Variants in IL12RB1 observed in about 807,000 individuals in gnomAD.
The protein encoded by IL12RB1 is interleukin-12 receptor subunit beta-1.
In IL12RB1, 64 loss-of-function variants were observed where a neutral mutation model predicts 94.4. That is an observed-to-expected ratio of 0.68 (90% CI 0.55 to 0.83). The LOEUF (loss-of-function observed/expected upper bound fraction) is 0.83. Among genes scored for constraint, IL12RB1 ranks in the 40% least tolerant of loss-of-function variants. The pLI, the probability that IL12RB1 is intolerant of heterozygous loss-of-function variation, is 0.00. For synonymous variants in IL12RB1, 362 were observed against 355.5 expected (o/e 1.02, Z -0.21); for missense variants, 814 against 855.6 (o/e 0.95, Z 0.61).
At position 18,086,890 on chromosome 19, in the gene IL12RB1, G is replaced by A. The variant is rs749596574; in HGVS notation, c.-67C>T. On this transcript the variant is annotated 5_prime_UTR_variant, in exon 1 of 17. In the 5' UTR this introduces an upstream ATG that the reference lacks. Transcript: ENST00000593993. ...GCCACCTGCGAGGTTCAGCCACCCCGTCCCCACTCCGGAACACATTGAAGC... is the reference window on the plus strand; with the variant it reads ...GCCACCTGCGAGGTTCAGCCACCCCATCCCCACTCCGGAACACATTGAAGC... 39 of 1,578,300 alleles carry A rather than the reference G, an allele frequency of 2.5e-5. No individual in the cohort carries two copies. The highest frequency in any genetic ancestry group is 8.0e-5 in the South Asian group (7 of 87,404).
chr19:18,076,168 C>G lies in IL12RB1; in HGVS notation c.580+129G>C, dbSNP rs143838833. 2.8e-5 allele frequency: 20 copies of G among 726,424 alleles called. No individual in the cohort carries two copies. The South Asian group carries it at 2.8e-4, about 10-fold the overall frequency. 45.0% of individuals were successfully genotyped at this position (726,424 alleles called of 1,614,324 possible). ...TCCCCACCTGCAATTTGGAAAGAAT[C>G]CAATACTGAACTATGGGGCAGGGTA... On this transcript the variant is annotated intron_variant, in intron 6 of 16. Coordinates refer to ENST00000593993, the MANE Select transcript of IL12RB1 (RefSeq NM_005535.3).
chr19:18,065,647 C>T (rs1047499288), intron 12 of IL12RB1, among the ~76,000 whole-genome samples: 6 of 152,156 alleles, frequency 3.9e-5, no homozygotes, highest in East Asian at 3.9e-4. Flanking sequence ...GGTGAAACTC[C>T]GTCTCTGCTA....
intron 13 of IL12RB1, 77 bp downstream of exon 13, chr19:18,063,799 G>T: frequency 7.3e-7 from 1 of 1,362,198 alleles, no homozygotes; most frequent in East Asian, 2.4e-5. Context: ...AGTGAGGGCA[G>T]GGCTGCTAAG....
Position 18,076,728 on chromosome 19 carries a change from A to G in IL12RB1, c.550-401T>C, listed in dbSNP as rs935332552. On this transcript the variant is annotated intron_variant, in intron 5 of 16. Coordinates refer to ENST00000593993, the MANE Select transcript of IL12RB1 (RefSeq NM_005535.3). ...GCTAAATTTTTTTAAATTAAAGACC[A>G]TACTTCCAGGGATTATTTCTATCGT... is the stretch of plus-strand genomic sequence containing the variant. Among the ~76,000 whole-genome samples, 9 of 152,064 alleles carry G rather than the reference A, an allele frequency of 5.9e-5. No homozygotes were observed. In the South Asian group the frequency reaches 6.2e-4, roughly 10 times the overall value.
At position 18,086,150 on chromosome 19, in the gene IL12RB1, G is replaced by A. The variant is rs149370367; in HGVS notation, c.64+610C>T. 7.6e-3 allele frequency among the ~76,000 whole-genome samples: 1,160 copies of A among 152,002 alleles called. 16 individuals carry two copies. Among genetic ancestry groups the A allele is most frequent in the African/African-American group, 0.026 (1,062 of 41,466 alleles). ...AGGCAGGAGGATCACTTGAGCCCAG[G>A]TGGTCAAGGCTGCAATGAGTTATGA... On this transcript the variant is annotated intron_variant, in intron 1 of 16. Coordinates refer to ENST00000593993, the MANE Select transcript of IL12RB1 (RefSeq NM_005535.3).
Position 18,073,511 on chromosome 19 carries a change from C to G in IL12RB1, c.783+6G>C, listed in dbSNP as rs370669239. 2.1e-5 allele frequency: 34 copies of G among 1,587,208 alleles called. No individual in the cohort carries two copies. The African/African-American group carries it at 3.8e-4, about 18-fold the overall frequency. ...CCACCCCACAGCCCTGTGACAGCCC[C>G]GTTACCTGCTCTTTCAGGGTCAGCC... On this transcript the variant is annotated splice_donor_region_variant and intron_variant, in intron 8 of 16. Coordinates refer to ENST00000593993, the MANE Select transcript of IL12RB1 (RefSeq NM_005535.3).
intron 9 of IL12RB1, among the ~76,000 whole-genome samples, chr19:18,071,497 T>G (rs1206820144): frequency 6.6e-6 from 1 of 152,094 alleles, no homozygotes; most frequent in Non-Finnish European, 1.5e-5. Flanking sequence ...TCTTTAATAA[T>G]GCATAATAGC....
chr19:18,098,432 TG>T (rs990330469), intron 1 of IL12RB1, among the ~76,000 whole-genome samples: 7 of 152,060 alleles, frequency 4.6e-5, no homozygotes, highest in African/African-American at 1.7e-4. Context: ...CAGTGTGACC[TG>T]GGGGGAGGGC....
At chr19:18,086,487 C>T (rs2036351204) in intron 1 of IL12RB1, among the ~76,000 whole-genome samples, 1 of 152,076 alleles carries the variant, frequency 6.6e-6, no homozygotes, top group South Asian at 2.1e-4. Context: ...TAGATACATA[C>T]TTGCTTTTTA....
chr19:18,086,818 C>T lies in IL12RB1; in HGVS notation c.6G>A (p.Glu2=), dbSNP rs2036377298. 1 of 1,610,942 alleles carries T rather than the reference C, an allele frequency of 6.2e-7. No homozygotes were observed. The highest frequency in any genetic ancestry group is 1.1e-5 in the South Asian group (1 of 90,672). ...GGGGGACCACCCAGGTCACCAGCGG[C>T]TCCATCGGATCCACGTAGAGCCCCA... is the stretch of plus-strand genomic sequence containing the variant. M[E]PLVTWVVPLL... The change falls in exon 1 of 17, where the codon GAG becomes GAA. Residue 2 remains glutamate (E), a synonymous_variant. Transcript: ENST00000593993.
At chr19:18,063,665 G>A (rs1468065923) in intron 13 of IL12RB1, among the ~76,000 whole-genome samples, 1 of 152,210 alleles carries the variant, frequency 6.6e-6, no homozygotes, top group East Asian at 1.9e-4. Context: ...CAGGCAGGAG[G>A]CAGGGAAGGG....
intron 12 of IL12RB1, 82 bp downstream of exon 12, chr19:18,066,460 T>C: frequency 1.0e-6 from 1 of 999,318 alleles, no homozygotes; most frequent in Non-Finnish European, 1.6e-6. Context: ...GACGGCAAGG[T>C]GCCCAGGGTC....
intron 12 of IL12RB1, among the ~76,000 whole-genome samples, chr19:18,065,320 A>G (rs1324713710): frequency 1.1e-4 from 16 of 152,112 alleles, no homozygotes. Flanking sequence ...CTGCTTGATG[A>G]GAGTTCAGCT....
intron 7 of IL12RB1, among the ~76,000 whole-genome samples, chr19:18,074,887 T>G (rs1464310355): frequency 6.6e-6 from 1 of 151,274 alleles, no homozygotes; most frequent in Non-Finnish European, 1.5e-5. Context: ...CCGTCTCTAC[T>G]AAAAAATACA....
rs1319931784 is a variant in IL12RB1 at position 18,075,470 on chromosome 19, A to G, written c.700+279T>C. Among the ~76,000 whole-genome samples the G allele has an allele frequency of 4.6e-5, 7 of 151,892 alleles. No homozygotes were observed. The East Asian group carries it at 1.2e-3, about 25-fold the overall frequency. On this transcript the variant is annotated intron_variant, in intron 7 of 16. Transcript: ENST00000593993. Reference sequence around the variant, plus strand: ...GAGAAGGGGTTTCACCATGTTGGCCAGGCTGGTCTCGAACTCCTGACCTCA... The same window carrying G: ...GAGAAGGGGTTTCACCATGTTGGCCGGGCTGGTCTCGAACTCCTGACCTCA...
At chr19:18,093,571 G>T (rs2036743389) in intron 1 of IL12RB1, among the ~76,000 whole-genome samples, 1 of 152,060 alleles carries the variant, frequency 6.6e-6, no homozygotes, top group South Asian at 2.1e-4. Flanking sequence ...ACCCAACCCT[G>T]GTTCAGGGAA....
chr19:18,065,566 C>A (rs551898534), intron 12 of IL12RB1, among the ~76,000 whole-genome samples: 73 of 152,216 alleles, frequency 4.8e-4, no homozygotes, highest in South Asian at 1.0e-3. Context: ...CACCTGTAAT[C>A]CCAGCCCTTT....
At chr19:18,085,346 C>T in intron 1 of IL12RB1, among the ~76,000 whole-genome samples, 1 of 134,058 alleles carries the variant, frequency 7.5e-6, no homozygotes. Flanking sequence ...CACCCACCCA[C>T]CCACCCCTGA....
intron 1 of IL12RB1, chr19:18,097,706 A>G: frequency 1.2e-6 from 1 of 824,866 alleles, no homozygotes. Flanking sequence ...GTGTCAGCTG[A>G]CCGGCCTGGC....
Sources: gnomAD v4.1 joint callset for allele counts (sites outside exome capture counted in the v4.1 genomes callset) on GRCh38, gnomAD v4.1.1 for gene constraint, MANE v1.5 for transcripts, NCBI Gene and HGNC (gene_info 2026-07-23, HGNC 2026-07-21) for gene names.